The following AUH variants were observed in gnomAD, a reference collection of about 807,000 sequenced individuals.
The protein encoded by AUH is methylglutaconyl-CoA hydratase, mitochondrial.
In AUH, 29 loss-of-function variants were observed where a neutral mutation model predicts 42.3. The observed-to-expected ratio is 0.69, with a 90% CI of 0.51 to 0.93. AUH has a LOEUF of 0.93. AUH is among the 40% of genes least tolerant of loss of function. The pLI is 0.00. For synonymous variants in AUH, 174 were observed against 166.4 expected (o/e 1.05, Z -0.35); for missense variants, 452 against 438.1 (o/e 1.03, Z -0.28).
In AUH at chr9:91,361,648, T is replaced by C. The variant is rs144058475; in HGVS notation, c.242A>G (p.His81Arg). 3.8e-6 allele frequency: 6 copies of C among 1,583,922 alleles called. No homozygotes were observed. Among genetic ancestry groups the C allele is most frequent in the Non-Finnish European group, 5.1e-6 (6 of 1,165,818 alleles). Residue 81 changes from histidine to arginine, a missense_variant, in exon 1 of 10, where the codon CAC (histidine) becomes CGC (arginine). By Grantham distance (29) the His-to-Arg change is conservative. Transcript: ENST00000375731. ...CTCACCTCGGTTCTCCTCCTCCAGGTGCCGCACCCGCAGCTCGTCCTCCGT... is the reference window on the plus strand; with the variant it reads ...CTCACCTCGGTTCTCCTCCTCCAGGCGCCGCACCCGCAGCTCGTCCTCCGT... ...MKTEDELRVR[H>R]LEEENRGIVV...
rs1212724524 is a variant in AUH, at chr9:91,230,244, C to T, written c.656-9252G>A. Among the ~76,000 whole-genome samples, 4 of 152,116 alleles carry T rather than the reference C, an allele frequency of 2.6e-5. No individual in the cohort carries two copies. In the East Asian group the frequency reaches 5.8e-4, roughly 22 times the overall value. The stretch of plus-strand genomic sequence containing the variant: ...CACATAGTCCCATATTTCTTGGAGG[C>T]TTTGCTCGTTTCTTTTTCTTTTTTC... On this transcript the variant is annotated intron_variant, in intron 6 of 9. Transcript: ENST00000375731.
At chr9:91,284,987 G>A (rs931391857) in intron 6 of AUH, among the ~76,000 whole-genome samples, 2 of 152,288 alleles carry the variant, frequency 1.3e-5, no homozygotes, top group African/African-American at 4.8e-5. Flanking sequence ...TATAAATCAT[G>A]CTGCTATGAA....
At chr9:91,350,506 C>T (rs952429312) in intron 3 of AUH, among the ~76,000 whole-genome samples, 2 of 152,158 alleles carry the variant, frequency 1.3e-5, no homozygotes, top group Non-Finnish European at 2.9e-5. Flanking sequence ...CGCCTGTAAT[C>T]CCAGCACTTT....
At chr9:91,222,017 C>T (rs954855885) in intron 6 of AUH, among the ~76,000 whole-genome samples, 4 of 152,288 alleles carry the variant, frequency 2.6e-5, no homozygotes, top group African/African-American at 7.2e-5. Flanking sequence ...CAGCAGACTG[C>T]CCCCTTGCAG....
chr9:91,321,341 C>T (rs1829553119), intron 4 of AUH, among the ~76,000 whole-genome samples: 1 of 152,014 alleles, frequency 6.6e-6, no homozygotes, highest in Admixed American at 6.5e-5. Context: ...TATTTTTTCT[C>T]TTTACATTTT....
chr9:91,345,585 G>A (rs1299938737), intron 3 of AUH, among the ~76,000 whole-genome samples: 2 of 152,136 alleles, frequency 1.3e-5, no homozygotes, highest in African/African-American at 4.8e-5. Flanking sequence ...TGTAATCCCA[G>A]CACTTTGGGA....
chr9:91,358,709 A>G (rs995518431), intron 1 of AUH, among the ~76,000 whole-genome samples: 17 of 152,328 alleles, frequency 1.1e-4, no homozygotes, highest in African/African-American at 2.6e-4. Context: ...CTGAAGGGTA[A>G]AGTGCCATCA....
chr9:91,267,812 C>T (rs769254672), intron 6 of AUH, among the ~76,000 whole-genome samples: 61 of 152,158 alleles, frequency 4.0e-4, no homozygotes, highest in Non-Finnish European at 2.1e-4. Flanking sequence ...TTCCTAGCCC[C>T]TTTTCTCTAC....
chr9:91,303,523 G>A (rs1014434138), intron 4 of AUH, among the ~76,000 whole-genome samples: 1 of 152,112 alleles, frequency 6.6e-6, no homozygotes, highest in African/African-American at 2.4e-5. Context: ...GTAGAGACAG[G>A]GTTTCACCGT....
chr9:91,237,053 G>A (rs2131319943), intron 6 of AUH, among the ~76,000 whole-genome samples: 1 of 152,278 alleles, frequency 6.6e-6, no homozygotes, highest in South Asian at 2.1e-4. Context: ...GGGGATACGT[G>A]TATGTGCAGA....
intron 6 of AUH, among the ~76,000 whole-genome samples, chr9:91,240,383 T>A (rs1828444993): frequency 6.6e-6 from 1 of 152,062 alleles, no homozygotes; most frequent in South Asian, 2.1e-4. Context: ...CAACCCTCAC[T>A]CACACCCATA....
At chr9:91,331,586 T>A (rs551681461) in intron 3 of AUH, among the ~76,000 whole-genome samples, 1 of 152,362 alleles carries the variant, frequency 6.6e-6, no homozygotes, top group Admixed American at 6.5e-5. Context: ...TAGTTGGAAA[T>A]GTATAATACA....
At chr9:91,339,310 T>TAGG (rs1830926698) in intron 3 of AUH, among the ~76,000 whole-genome samples, 1 of 152,226 alleles carries the variant, frequency 6.6e-6, no homozygotes, top group South Asian at 2.1e-4. Flanking sequence ...AGTCAAACCA[T>TAGG]CATTAAGTGA....
intron 6 of AUH, among the ~76,000 whole-genome samples, chr9:91,235,900 C>A (rs971771286): frequency 1.2e-4 from 19 of 152,166 alleles, no homozygotes; most frequent in African/African-American, 4.1e-4. Flanking sequence ...GTGGCAAGGG[C>A]AAAGTCTCCA....
chr9:91,267,508 T>C (rs925858793), intron 6 of AUH, among the ~76,000 whole-genome samples: 1 of 152,186 alleles, frequency 6.6e-6, no homozygotes, highest in South Asian at 2.1e-4. Flanking sequence ...TTCCAATGTA[T>C]GTCTTCAGTT....
intron 6 of AUH, among the ~76,000 whole-genome samples, chr9:91,293,350 C>A (rs1392792624): frequency 6.6e-6 from 1 of 152,194 alleles, no homozygotes; most frequent in Non-Finnish European, 1.5e-5. Context: ...GGCTTAGTTG[C>A]CAATGCAAAG....
At chr9:91,253,687 G>A (rs1412716268) in intron 6 of AUH, among the ~76,000 whole-genome samples, 1 of 152,198 alleles carries the variant, frequency 6.6e-6, no homozygotes, top group Non-Finnish European at 1.5e-5. Context: ...GCAGTCATCA[G>A]GAGCCTTGCA....
At chr9:91,331,266 G>A (rs1323421541) in intron 3 of AUH, among the ~76,000 whole-genome samples, 1 of 152,184 alleles carries the variant, frequency 6.6e-6, no homozygotes, top group Non-Finnish European at 1.5e-5. Flanking sequence ...ATTAAAGGTG[G>A]TGACCATGTC....
intron 6 of AUH, among the ~76,000 whole-genome samples, chr9:91,281,966 G>A (rs560710928): frequency 1.1e-4 from 17 of 152,208 alleles, no homozygotes; most frequent in Middle Eastern, 6.8e-3. Context: ...GTCACAGCAC[G>A]TCACACCTCT....
Sources: gnomAD v4.1 joint callset for allele counts (sites outside exome capture counted in the v4.1 genomes callset) on GRCh38, gnomAD v4.1.1 for gene constraint, MANE v1.5 for transcripts, NCBI Gene and HGNC (gene_info 2026-07-23, HGNC 2026-07-21) for gene names.